The following CADPS2 variants were observed in gnomAD, a reference collection of about 807,000 sequenced individuals.
CADPS2 encodes calcium dependent secretion activator 2.
In CADPS2, 93 loss-of-function variants were observed where a neutral mutation model predicts 172.5. The ratio of observed to expected loss-of-function variants is 0.54; its 90% CI spans 0.46 to 0.64. CADPS2 has a LOEUF of 0.64. Ranked by LOEUF, CADPS2 falls within the 30% of genes least tolerant of loss-of-function variation. The pLI is 0.00. For missense variants in CADPS2, 1,420 were observed against 1,565.9 expected, an observed-to-expected ratio of 0.91 and a Z score of 1.57; for synonymous variants, 546 against 555.2, an observed-to-expected ratio of 0.98 and a Z score of 0.23.
At chr7:122,449,564 T>A (rs2052778083) in intron 15 of CADPS2, among the ~76,000 whole-genome samples, 1 of 152,098 alleles carries the variant, frequency 6.6e-6, no homozygotes, top group East Asian at 1.9e-4. Flanking sequence ...TCAAGCAACC[T>A]TCCCTCCTAA....
intron 2 of CADPS2, among the ~76,000 whole-genome samples, chr7:122,714,138 G>C (rs1463968882): frequency 6.6e-6 from 1 of 152,048 alleles, no homozygotes; most frequent in Non-Finnish European, 1.5e-5. Flanking sequence ...TAAACAACTA[G>C]TTCTAGCAAG....
At chr7:122,529,634 A>T in intron 8 of CADPS2, among the ~76,000 whole-genome samples, 1 of 152,102 alleles carries the variant, frequency 6.6e-6, no homozygotes, top group Non-Finnish European at 1.5e-5. Flanking sequence ...ACTTTTAAAT[A>T]TATTTTTCCT....
At chr7:122,666,517 T>C (rs191319083) in intron 2 of CADPS2, among the ~76,000 whole-genome samples, 120 of 152,158 alleles carry the variant, frequency 7.9e-4, no homozygotes, top group African/African-American at 2.9e-3. Context: ...CTAATTTTTA[T>C]ATTTTTAGTA....
intron 4 of CADPS2, among the ~76,000 whole-genome samples, chr7:122,626,871 T>C (rs550891340): frequency 1.3e-5 from 2 of 152,358 alleles, no homozygotes; most frequent in Admixed American, 1.3e-4. Context: ...GTCACAGGTC[T>C]TTCTGGCCCT....
chr7:122,570,013 A>G (rs1386363246), intron 7 of CADPS2, among the ~76,000 whole-genome samples: 2 of 150,494 alleles, frequency 1.3e-5, no homozygotes, highest in African/African-American at 5.0e-5. Flanking sequence ...AATGGCAACA[A>G]AAGCCAAAAT....
intron 23 of CADPS2, among the ~76,000 whole-genome samples, chr7:122,387,617 A>T (rs1380093589): frequency 1.3e-5 from 2 of 152,092 alleles, no homozygotes; most frequent in Admixed American, 6.6e-5. Flanking sequence ...AAACCCTAAA[A>T]CATGGTAATC....
At chr7:122,536,113 A>T (rs2062241856) in intron 8 of CADPS2, among the ~76,000 whole-genome samples, 1 of 152,138 alleles carries the variant, frequency 6.6e-6, no homozygotes, top group East Asian at 1.9e-4. Context: ...ATCTCCACAG[A>T]ATAAAGCAAA....
chr7:122,328,890 C>G lies in CADPS2; in HGVS notation c.3613-3309G>C, dbSNP rs1178174247. 3.3e-5 allele frequency among the ~76,000 whole-genome samples: 5 copies of G among 152,106 alleles called. No homozygotes were observed. In the East Asian group the frequency reaches 9.7e-4, roughly 29 times the overall value. On this transcript the variant is annotated intron_variant, in intron 28 of 29. Transcript: ENST00000449022. Reference sequence around the variant, plus strand: ...AAGGTTCAACAAATCAACAGGAGCACGGAAAACAGAACATCAGTCTAATCT... The same window carrying G: ...AAGGTTCAACAAATCAACAGGAGCAGGGAAAACAGAACATCAGTCTAATCT...
intron 1 of CADPS2, among the ~76,000 whole-genome samples, chr7:122,818,075 C>A (rs1802054224): frequency 6.6e-6 from 1 of 151,738 alleles, no homozygotes; most frequent in Non-Finnish European, 1.5e-5. Context: ...CTCTGCACCC[C>A]AACCCCTTTT....
At chr7:122,598,237 AT>A (rs567814742) in intron 6 of CADPS2, among the ~76,000 whole-genome samples, 10 of 150,184 alleles carry the variant, frequency 6.7e-5, no homozygotes, top group East Asian at 2.0e-4. Context: ...TGCTACAAAG[AT>A]TTTTTTTTTG....
intron 3 of CADPS2, among the ~76,000 whole-genome samples, chr7:122,645,502 G>GTATACTTATATATATATAAGTA (rs2078366950): frequency 9.8e-6 from 1 of 101,768 alleles, no homozygotes; most frequent in Non-Finnish European, 1.9e-5. Flanking sequence ...ATATATATAA[G>GTATACTTATATATATATAAGTA]TATATATATA....
intron 6 of CADPS2, among the ~76,000 whole-genome samples, chr7:122,612,414 A>AT (rs1442011434): frequency 6.6e-5 from 10 of 152,000 alleles, no homozygotes; most frequent in African/African-American, 9.6e-5. Flanking sequence ...TGATTTAAAG[A>AT]TAAAATTAAG....
intron 2 of CADPS2, among the ~76,000 whole-genome samples, chr7:122,691,520 A>T (rs1240469831): frequency 6.6e-6 from 1 of 152,192 alleles, no homozygotes; most frequent in Non-Finnish European, 1.5e-5. Flanking sequence ...TGTAAGCCTC[A>T]CCATGCAACC....
At chr7:122,849,518 G>A (rs930346683) in intron 1 of CADPS2, among the ~76,000 whole-genome samples, 9 of 152,030 alleles carry the variant, frequency 5.9e-5, no homozygotes, top group East Asian at 1.9e-4. Flanking sequence ...CAGTCTCTGC[G>A]GTCCCCAGCT....
intron 1 of CADPS2, among the ~76,000 whole-genome samples, chr7:122,783,663 C>A (rs760339665): frequency 3.3e-5 from 5 of 152,154 alleles, no homozygotes; most frequent in Non-Finnish European, 5.9e-5. Flanking sequence ...CTAGTGAGAC[C>A]CACATTTATT....
intron 8 of CADPS2, among the ~76,000 whole-genome samples, chr7:122,525,018 G>C (rs2131133249): frequency 6.6e-6 from 1 of 152,020 alleles, no homozygotes; most frequent in African/African-American, 2.4e-5. Context: ...ATGTGTCTGT[G>C]GACCCAGCTG....
At chr7:122,529,145 T>A (rs2061538280) in intron 8 of CADPS2, among the ~76,000 whole-genome samples, 1 of 152,096 alleles carries the variant, frequency 6.6e-6, no homozygotes, top group Non-Finnish European at 1.5e-5. Flanking sequence ...TTGTTCCTTA[T>A]AAACCACTCC....
At chr7:122,457,872 T>C (rs1035812662) in intron 14 of CADPS2, among the ~76,000 whole-genome samples, 11 of 152,130 alleles carry the variant, frequency 7.2e-5, no homozygotes, top group East Asian at 1.9e-4. Context: ...AGCTTGTGGA[T>C]TGAATAAAGA....
intron 2 of CADPS2, among the ~76,000 whole-genome samples, chr7:122,724,294 A>G (rs953089749): frequency 1.3e-5 from 2 of 152,044 alleles, no homozygotes; most frequent in Non-Finnish European, 2.9e-5. Flanking sequence ...TTTCCAGGGC[A>G]TAGGGCAATA....
Sources: allele counts gnomAD v4.1 joint callset (sites outside exome capture counted in the v4.1 genomes callset), GRCh38; gene constraint gnomAD v4.1.1; transcripts MANE v1.5; gene names NCBI Gene and HGNC (gene_info 2026-07-23, HGNC 2026-07-21).